The following CYLC2 variants were observed in gnomAD, a reference collection of about 807,000 sequenced individuals.
CYLC2 encodes cylicin 2.
CYLC2 carries 30 observed loss-of-function variants against 26.1 expected under a neutral mutation model. That is an observed-to-expected ratio of 1.15 (90% CI 0.86 to 1.56). CYLC2 has a LOEUF of 1.56. Ranked by LOEUF, CYLC2 falls within the 40% of genes most tolerant of loss-of-function variation. The probability of loss-of-function intolerance (pLI) is 0.00; values close to 1 mark genes in which losing one functional copy is unlikely to be tolerated. For missense variants in CYLC2, 498 were observed against 394.4 expected (o/e 1.26, Z -2.23); for synonymous variants, 158 against 132.8 (o/e 1.19, Z -1.31).
rs758395916 is a variant in CYLC2, at chr9:103,004,748, C to T, written c.234C>T (p.Tyr78=). 2.8e-5 allele frequency: 45 copies of T among 1,608,418 alleles called. No individual in the cohort carries two copies. The highest frequency in any genetic ancestry group is 3.4e-5 in the Non-Finnish European group (40 of 1,177,116). Residue 78 remains tyrosine (Y), a synonymous_variant, in exon 4 of 8, where the codon TAC becomes TAT. Coordinates refer to ENST00000374798, the MANE Select transcript of CYLC2 (RefSeq NM_001340.5). The part of the protein sequence containing the change: ...RGDRRQPLWM[Y]RSLMRISERP... Reference sequence around the variant, plus strand: ...ATCGTAGACAACCATTATGGATGTACCGTTCTTTAATGAGAATTTCTGAGA... The same window carrying T: ...ATCGTAGACAACCATTATGGATGTATCGTTCTTTAATGAGAATTTCTGAGA...
At chr9:103,015,741 A>G (rs1829498110) in intron 6 of CYLC2, among the ~76,000 whole-genome samples, 1 of 149,520 alleles carries the variant, frequency 6.7e-6, no homozygotes, top group African/African-American at 2.4e-5. Flanking sequence ...TGCCTTTTAT[A>G]AAATGTGTTT....
chr9:103,013,133 CAT>C (rs544374653), intron 6 of CYLC2, among the ~76,000 whole-genome samples: 747 of 57,352 alleles, frequency 0.013, 8 homozygotes, highest in African/African-American at 0.043. Flanking sequence ...AAATATATAT[CAT>C]ATAAATATAT....
At chr9:103,008,951 C>T (rs1169796392) in intron 5 of CYLC2, among the ~76,000 whole-genome samples, 1 of 152,134 alleles carries the variant, frequency 6.6e-6, no homozygotes, top group Non-Finnish European at 1.5e-5. Context: ...TTTTCTTTTG[C>T]TCTGGCTTAT....
intron 1 of CYLC2, 22 bp downstream of exon 1, chr9:102,995,419 A>G (rs1224618661): frequency 6.4e-7 from 1 of 1,556,962 alleles, no homozygotes; most frequent in East Asian, 2.3e-5. Flanking sequence ...TTTATGTTTT[A>G]AAATAACTGA....
chr9:103,013,553 T>A (rs1158414961), intron 6 of CYLC2, among the ~76,000 whole-genome samples: 3 of 113,118 alleles, frequency 2.7e-5, no homozygotes, highest in African/African-American at 3.6e-5. Flanking sequence ...ATATTAAAAT[T>A]AATATATGTA....
In CYLC2 at chr9:103,004,866, C is replaced by T. The variant is rs1829323606; in HGVS notation, c.337+15C>T. On this transcript the variant is annotated intron_variant, in intron 4 of 7. Coordinates refer to ENST00000374798, the MANE Select transcript of CYLC2 (RefSeq NM_001340.5). ...TAAAGCAGCAGGTAGAGATAACTTA[C>T]TGTTTTTATAGTATCTCTGTAATTT... 3 of 1,602,948 alleles carry T rather than the reference C, an allele frequency of 1.9e-6. No homozygotes were observed. Among genetic ancestry groups the T allele is most frequent in the African/African-American group, 1.3e-5 (1 of 74,184 alleles).
intron 6 of CYLC2, among the ~76,000 whole-genome samples, chr9:103,016,318 C>T (rs889190474): frequency 6.6e-6 from 1 of 151,970 alleles, no homozygotes; most frequent in Non-Finnish European, 1.5e-5. Context: ...AAGCAGCAGT[C>T]ACTGGCCACA....
At chr9:103,017,797 C>T (rs1829522564) in intron 7 of CYLC2, among the ~76,000 whole-genome samples, 1 of 151,964 alleles carries the variant, frequency 6.6e-6, no homozygotes, top group Admixed American at 6.6e-5. Context: ...AGTCCACAAT[C>T]AAGATATTGG....
intron 6 of CYLC2, among the ~76,000 whole-genome samples, chr9:103,013,277 A>C (rs1431246596): frequency 1.0e-5 from 1 of 95,302 alleles, no homozygotes; most frequent in Non-Finnish European, 1.9e-5. Context: ...TATATTATAT[A>C]TAACACATTA....
intron 2 of CYLC2, 104 bp from the exon 3 acceptor site, chr9:103,003,038 C>A: frequency 1.6e-6 from 2 of 1,226,812 alleles, no homozygotes; most frequent in South Asian, 3.2e-5. Flanking sequence ...TAATTTGAAT[C>A]ACTTGTTTAT....
chr9:103,001,680 C>A, intron 2 of CYLC2, 62 bp downstream of exon 2: 1 of 1,039,882 alleles, frequency 9.6e-7, no homozygotes, highest in South Asian at 1.4e-5. Flanking sequence ...TAAGTATTAT[C>A]CTCTATTCAA....
At chr9:103,008,140 T>A (rs966447421) in intron 5 of CYLC2, among the ~76,000 whole-genome samples, 1 of 145,918 alleles carries the variant, frequency 6.9e-6, no homozygotes, top group African/African-American at 2.6e-5. Context: ...TCATTTCAAA[T>A]CCTCTTTTTC....
Position 103,005,619 on chromosome 9 carries a change from G to A in CYLC2, c.988G>A (p.Asp330Asn), listed in dbSNP as rs185998342. ...KKNAKKDAKK[D>N]AKKNAKKDEK... ...AAATGCTAAGAAGGATGCAAAGAAG[G>A]ATGCAAAGAAGAATGCAAAGAAGGA... Residue 330 changes from aspartate to asparagine, a missense_variant, in exon 5 of 8, where the codon GAT (aspartate) becomes AAT (asparagine). Coordinates refer to ENST00000374798, the MANE Select transcript of CYLC2 (RefSeq NM_001340.5). 1 of 1,610,962 alleles carries A rather than the reference G, an allele frequency of 6.2e-7. No homozygotes were observed. The highest frequency in any genetic ancestry group is 8.5e-7 in the Non-Finnish European group (1 of 1,179,430).
At position 102,997,088 on chromosome 9, in the gene CYLC2, G is replaced by A. The variant is rs539867195; in HGVS notation, c.17+1691G>A. On this transcript the variant is annotated intron_variant, in intron 1 of 7. Coordinates refer to ENST00000374798, the MANE Select transcript of CYLC2 (RefSeq NM_001340.5). ...TCTATTGAGTAGCATTACTAAAGTC[G>A]TCTCTTACTATCCTGGTCTAGGGAT... Among the ~76,000 whole-genome samples, 6 of 151,724 alleles carry A rather than the reference G, an allele frequency of 4.0e-5. No individual in the cohort carries two copies. In the East Asian group the frequency reaches 5.8e-4, roughly 15 times the overall value.
At position 103,005,460 on chromosome 9, in the gene CYLC2, C is replaced by G; in HGVS notation, c.829C>G (p.Pro277Ala). Residue 277 changes from proline (P) to alanine (A), a missense_variant, in exon 5 of 8, where the codon CCC becomes GCC. By Grantham distance (27) the Pro-to-Ala change is conservative (BLOSUM62 -1). Transcript: ENST00000374798. ...IKKGKKDKKKPSSTDSDSKDD... is the reference protein window; with the variant it reads ...IKKGKKDKKKASSTDSDSKDD... ...AAAAGGTAAGAAAGATAAGAAGAAG[C>G]CCAGTAGTACAGACAGTGACTCAAA... is the stretch of plus-strand genomic sequence containing the variant. 6.2e-7 allele frequency: 1 copy of G among 1,613,078 alleles called. No individual in the cohort carries two copies. The highest frequency in any genetic ancestry group is 2.2e-5 in the East Asian group (1 of 44,842).
chr9:103,005,371 G>C lies in CYLC2; in HGVS notation c.740G>C (p.Gly247Ala). The change falls in exon 5 of 8, where the codon GGA (glycine) becomes GCA (alanine). Residue 247 changes from glycine (G) to alanine (A), a missense_variant. Coordinates refer to ENST00000374798, the MANE Select transcript of CYLC2 (RefSeq NM_001340.5). Reference sequence around the variant, plus strand: ...GCAGATGAAAAGAAGGATGAGGATGGAAAAAAAGATGCAAACAAAGGTGAT... The same window carrying C: ...GCAGATGAAAAGAAGGATGAGGATGCAAAAAAAGATGCAAACAAAGGTGAT... ...VKADEKKDED[G>A]KKDANKGDES... is the part of the protein sequence containing the mutation. 6.2e-7 allele frequency: 1 copy of C among 1,613,714 alleles called. No homozygotes were observed. Among genetic ancestry groups the C allele is most frequent in the Non-Finnish European group, 8.5e-7 (1 of 1,179,928 alleles).
intron 2 of CYLC2, among the ~76,000 whole-genome samples, chr9:103,001,968 A>G (rs1490639382): frequency 6.6e-6 from 1 of 152,180 alleles, no homozygotes; most frequent in Non-Finnish European, 1.5e-5. Context: ...CTGATAGATT[A>G]TAACCAGCTT....
At chr9:103,012,637 G>T (rs1388443998) in intron 6 of CYLC2, among the ~76,000 whole-genome samples, 2 of 151,974 alleles carry the variant, frequency 1.3e-5, no homozygotes, top group African/African-American at 4.8e-5. Context: ...ATTGTGGAAA[G>T]TATCCAGTGA....
intron 3 of CYLC2, among the ~76,000 whole-genome samples, chr9:103,003,734 G>A (rs2118234794): frequency 6.6e-6 from 1 of 152,074 alleles, no homozygotes; most frequent in East Asian, 1.9e-4. Flanking sequence ...CAAAATTATG[G>A]AGTTCCTGAT....
Sources: gnomAD v4.1 joint callset for allele counts (sites outside exome capture counted in the v4.1 genomes callset) on GRCh38, gnomAD v4.1.1 for gene constraint, MANE v1.5 for transcripts, NCBI Gene and HGNC (gene_info 2026-07-23, HGNC 2026-07-21) for gene names.